The following RBMS3 variants were observed in gnomAD, a reference collection of about 807,000 sequenced individuals.
RBMS3 encodes RNA binding motif single stranded interacting protein 3, also known as RNA-binding motif, single-stranded-interacting protein 3.
A neutral mutation model predicts 66.8 loss-of-function variants in RBMS3; 27 were observed. The observed-to-expected ratio is 0.40, with a 90% CI of 0.30 to 0.56. RBMS3 has a LOEUF of 0.56. Ranked by LOEUF, RBMS3 falls within the 20% of genes least tolerant of loss-of-function variation. RBMS3 has a pLI of 0.40. For missense variants in RBMS3, 513 were observed against 549.5 expected (o/e 0.93, Z 0.66); for synonymous variants, 188 against 183.0 (o/e 1.03, Z -0.22).
At chr3:29,394,600 A>T (rs1028005340) in intron 1 of RBMS3, among the ~76,000 whole-genome samples, 2 of 152,214 alleles carry the variant, frequency 1.3e-5, no homozygotes, top group African/African-American at 2.4e-5. Context: ...AAATTATAAA[A>T]GTATTAATTT....
At position 29,809,816 on chromosome 3, in the gene RBMS3, G is replaced by A. The variant is rs544282703; in HGVS notation, c.637+46827G>A. Among the ~76,000 whole-genome samples the A allele has an allele frequency of 7.2e-5, 11 of 152,048 alleles. No homozygotes were observed. The East Asian group carries it at 1.5e-3, about 21-fold the overall frequency. ...AGTTTAGGCCGAAATGCTTTCTAATGTATGAAGAAAATAACTTTCAGTTTA... is the reference window on the plus strand; with the variant it reads ...AGTTTAGGCCGAAATGCTTTCTAATATATGAAGAAAATAACTTTCAGTTTA... On this transcript the variant is annotated intron_variant, in intron 6 of 14. Coordinates refer to ENST00000383767, the MANE Select transcript of RBMS3 (RefSeq NM_001003793.3).
At chr3:29,309,618 C>T (rs1042177528) in intron 1 of RBMS3, among the ~76,000 whole-genome samples, 4 of 149,062 alleles carry the variant, frequency 2.7e-5, no homozygotes, top group South Asian at 4.2e-4. Flanking sequence ...GTGGGGGGGG[C>T]GGTGGTGGCG....
chr3:29,772,942 T>G (rs1283613166), intron 6 of RBMS3, among the ~76,000 whole-genome samples: 2 of 152,034 alleles, frequency 1.3e-5, no homozygotes, highest in Admixed American at 1.3e-4. Context: ...TAGAGCACAT[T>G]GTTTTTTATT....
intron 6 of RBMS3, among the ~76,000 whole-genome samples, chr3:29,764,702 G>C (rs2055850066): frequency 6.6e-6 from 1 of 151,938 alleles, no homozygotes; most frequent in Non-Finnish European, 1.5e-5. Context: ...ATTTTATTTG[G>C]TTTTCCCCAA....
intron 1 of RBMS3, among the ~76,000 whole-genome samples, chr3:29,417,415 A>G (rs970604312): frequency 2.5e-4 from 38 of 152,108 alleles, no homozygotes; most frequent in African/African-American, 8.4e-4. Flanking sequence ...ACGTAGAGTT[A>G]AATATCTGTT....
intron 8 of RBMS3, among the ~76,000 whole-genome samples, chr3:29,888,391 C>T (rs2059922911): frequency 6.6e-6 from 1 of 151,434 alleles, no homozygotes; most frequent in African/African-American, 2.4e-5. Context: ...ATTATCTTTC[C>T]TCACTTTATT....
chr3:29,458,405 C>T (rs901838863), intron 2 of RBMS3, among the ~76,000 whole-genome samples: 71 of 152,120 alleles, frequency 4.7e-4, no homozygotes, highest in African/African-American at 1.7e-3. Context: ...TCTGGGTATC[C>T]AGAGGGAATT....
intron 4 of RBMS3, among the ~76,000 whole-genome samples, chr3:29,596,836 T>C (rs1295424328): frequency 6.6e-6 from 1 of 152,206 alleles, no homozygotes; most frequent in Admixed American, 6.6e-5. Flanking sequence ...TTAATGAATA[T>C]GGGAATGAAC....
At chr3:29,581,942 A>G (rs1233317836) in intron 3 of RBMS3, among the ~76,000 whole-genome samples, 1 of 152,216 alleles carries the variant, frequency 6.6e-6, no homozygotes, top group African/African-American at 2.4e-5. Context: ...AGCAGTTTAA[A>G]TAGAGAACTT....
chr3:29,783,486 A>G (rs1451954800), intron 6 of RBMS3, among the ~76,000 whole-genome samples: 3 of 152,188 alleles, frequency 2.0e-5, no homozygotes, highest in Admixed American at 6.6e-5. Flanking sequence ...TTTCCAGACA[A>G]ACAAATGCTG....
intron 1 of RBMS3, among the ~76,000 whole-genome samples, chr3:29,343,631 G>A (rs1559502960): frequency 6.6e-6 from 1 of 152,140 alleles, no homozygotes; most frequent in Non-Finnish European, 1.5e-5. Flanking sequence ...CCTCTCAATT[G>A]GAATACGACT....
intron 4 of RBMS3, among the ~76,000 whole-genome samples, chr3:29,695,055 C>G (rs929742054): frequency 2.0e-5 from 3 of 151,988 alleles, no homozygotes; most frequent in Non-Finnish European, 4.4e-5. Flanking sequence ...ATTTTGAAAG[C>G]AAGTTTGGCC....
intron 8 of RBMS3, among the ~76,000 whole-genome samples, chr3:29,893,536 CA>C (rs2060053179): frequency 6.6e-6 from 1 of 151,550 alleles, no homozygotes; most frequent in African/African-American, 2.4e-5. Flanking sequence ...CACTGCATGG[CA>C]TATGAGGAAG....
In RBMS3 at chr3:29,593,696, T is replaced by A. The variant is rs551544320; in HGVS notation, c.399+6491T>A. On this transcript the variant is annotated intron_variant, in intron 4 of 14. Transcript: ENST00000383767. ...TTTTCCCCCATGGGGACAAGGGCTG[T>A]AGGCTCAAACTGAAGCAGGAATCTC... is the stretch of plus-strand genomic sequence containing the variant. Among the ~76,000 whole-genome samples the A allele has an allele frequency of 5.3e-5, 8 of 152,328 alleles. 1 individual carries two copies. The South Asian group carries it at 1.7e-3, about 32-fold the overall frequency.
At position 30,008,919 on chromosome 3, in the gene RBMS3, A is replaced by AAG. The variant is rs1202940724; in HGVS notation, c.*5060_*5061dup. On this transcript the variant is annotated 3_prime_UTR_variant, in exon 15 of 15. Coordinates refer to ENST00000383767, the MANE Select transcript of RBMS3 (RefSeq NM_001003793.3). ...AAAGACCTTTTATGATGTGAGAGAC[A>AAG]AGAGTTCACCCCAGATTAATTTCTT... The AAG allele has an allele frequency of 4.6e-5, 7 of 152,160 alleles. No homozygotes were observed. Among genetic ancestry groups the AAG allele is most frequent in the African/African-American group, 1.7e-4 (7 of 41,456 alleles). 9.4% of individuals were successfully genotyped at this position (152,160 alleles called of 1,614,324 possible).
At chr3:29,783,315 T>C (rs890416477) in intron 6 of RBMS3, among the ~76,000 whole-genome samples, 1 of 152,144 alleles carries the variant, frequency 6.6e-6, no homozygotes, top group African/African-American at 2.4e-5. Flanking sequence ...TCAGGTAACC[T>C]ATAAAGGAAA....
intron 2 of RBMS3, among the ~76,000 whole-genome samples, chr3:29,487,695 A>T (rs1009799249): frequency 1.3e-5 from 2 of 152,178 alleles, no homozygotes; most frequent in Admixed American, 1.3e-4. Flanking sequence ...ACCTTCACAA[A>T]AAGCCTATAA....
At chr3:29,708,786 T>A (rs961590188) in intron 4 of RBMS3, among the ~76,000 whole-genome samples, 1 of 152,188 alleles carries the variant, frequency 6.6e-6, no homozygotes, top group Non-Finnish European at 1.5e-5. Context: ...TTTGGCAGTA[T>A]TGAAGGATGT....
intron 7 of RBMS3, among the ~76,000 whole-genome samples, chr3:29,879,089 CA>C (rs147455657): frequency 1.9e-4 from 27 of 145,156 alleles, no homozygotes; most frequent in Admixed American, 4.8e-4. Context: ...GCATGAAAGG[CA>C]AAAAAAAAAG....
Sources: allele counts gnomAD v4.1 joint callset (sites outside exome capture counted in the v4.1 genomes callset), GRCh38; gene constraint gnomAD v4.1.1; transcripts MANE v1.5; gene names NCBI Gene and HGNC (gene_info 2026-07-23, HGNC 2026-07-21).